UHRF1: variants seen among roughly 807,000 people sequenced by gnomAD.
UHRF1 encodes the protein E3 ubiquitin-protein ligase UHRF1.
A neutral mutation model predicts 96.5 loss-of-function variants in UHRF1; 9 were observed. The observed-to-expected ratio is 0.09, with a 90% CI of 0.06 to 0.16. The LOEUF (loss-of-function observed/expected upper bound fraction) is 0.16. Ranked by LOEUF, UHRF1 falls within the 10% of genes least tolerant of loss-of-function variation. The pLI, the probability that UHRF1 is intolerant of heterozygous loss-of-function variation, is 1.00. For missense variants in UHRF1, 626 were observed against 1,131.1 expected, an observed-to-expected ratio of 0.55 and a Z score of 6.40; for synonymous variants, 455 against 469.9, an observed-to-expected ratio of 0.97 and a Z score of 0.41.
At chr19:4,946,022 T>C in intron 10 of UHRF1, 57 bp downstream of exon 10, 1 of 1,337,238 alleles carries the variant, frequency 7.5e-7, no homozygotes, top group Non-Finnish European at 1.0e-6. Context: ...TGGATGGTGG[T>C]AAAATACATA....
intron 5 of UHRF1, among the ~76,000 whole-genome samples, chr19:4,939,363 T>A (rs949323431): frequency 6.8e-6 from 1 of 147,030 alleles, no homozygotes; most frequent in Non-Finnish European, 1.5e-5. Context: ...TACCCAGTCT[T>A]AGAATATGTT....
chr19:4,950,086 G>T (rs1360320031), intron 11 of UHRF1, among the ~76,000 whole-genome samples: 1 of 150,828 alleles, frequency 6.6e-6, no homozygotes, highest in African/African-American at 2.4e-5. Flanking sequence ...GGCCAGGCTG[G>T]TCTTGAACTC....
chr19:4,944,563 T>G, intron 9 of UHRF1, 113 bp downstream of exon 9: 1 of 1,172,690 alleles, frequency 8.5e-7, no homozygotes, highest in Non-Finnish European at 1.2e-6. Context: ...CAGTGGTGCC[T>G]CGGCTAGCCG....
intron 10 of UHRF1, 36 bp from the exon 11 acceptor site, chr19:4,947,069 T>A: frequency 1.3e-6 from 2 of 1,514,162 alleles, no homozygotes; most frequent in Non-Finnish European, 9.1e-7. Flanking sequence ...TTTTTGCCTC[T>A]GCAGAGGGTT....
intron 2 of UHRF1, among the ~76,000 whole-genome samples, chr19:4,918,601 A>G (rs1259980713): frequency 1.3e-5 from 2 of 151,440 alleles, no homozygotes; most frequent in African/African-American, 4.9e-5. Context: ...TTTAGTAGAG[A>G]CGAGGTTTCT....
At chr19:4,913,977 A>G (rs2032391755) in intron 2 of UHRF1, among the ~76,000 whole-genome samples, 1 of 151,402 alleles carries the variant, frequency 6.6e-6, no homozygotes, top group African/African-American at 2.4e-5. Flanking sequence ...ATGCGCAGCT[A>G]ATTTTTTTTG....
At chr19:4,938,167 A>T (rs1244846547) in intron 5 of UHRF1, among the ~76,000 whole-genome samples, 1 of 147,774 alleles carries the variant, frequency 6.8e-6, no homozygotes, top group Middle Eastern at 3.4e-3. Context: ...GGGGTGGGGG[A>T]GGAAGGGAAG....
chr19:4,946,507 G>A (rs967870113), intron 10 of UHRF1, among the ~76,000 whole-genome samples: 3 of 151,890 alleles, frequency 2.0e-5, no homozygotes, highest in Non-Finnish European at 2.9e-5. Flanking sequence ...TCCAGCCCCC[G>A]TTTTCCATTC....
intron 13 of UHRF1, among the ~76,000 whole-genome samples, chr19:4,952,776 G>A (rs2033753186): frequency 2.0e-5 from 3 of 151,918 alleles, no homozygotes; most frequent in South Asian, 4.1e-4. Flanking sequence ...AGAGTCAGAC[G>A]TGACTTATAG....
At chr19:4,958,241 T>G (rs187142667) in intron 16 of UHRF1, among the ~76,000 whole-genome samples, 1 of 152,214 alleles carries the variant, frequency 6.6e-6, no homozygotes, top group East Asian at 1.9e-4. Context: ...TCTTTGGGGC[T>G]GGTGGTCCGG....
At chr19:4,936,991 C>T (rs946371202) in intron 5 of UHRF1, among the ~76,000 whole-genome samples, 6 of 152,186 alleles carry the variant, frequency 3.9e-5, no homozygotes, top group African/African-American at 1.4e-4. Context: ...ATAGCCAAAC[C>T]CACCTCCCCA....
Position 4,951,059 on chromosome 19 carries a change from A to G in UHRF1, c.1818+63A>G, listed in dbSNP as rs975750629. The G allele has an allele frequency of 3.4e-6, 5 of 1,486,746 alleles. No homozygotes were observed. In the Admixed American group the frequency reaches 9.9e-5, roughly 30 times the overall value. 92.1% of individuals were successfully genotyped at this position (1,486,746 alleles called of 1,614,324 possible). Reference sequence around the variant, plus strand: ...AGGCGGATGGATCACTTACGTTAGGAGTTCAAGACCAGCCTGGCCAACATG... The same window carrying G: ...AGGCGGATGGATCACTTACGTTAGGGGTTCAAGACCAGCCTGGCCAACATG... On this transcript the variant is annotated intron_variant, in intron 13 of 16. Coordinates refer to ENST00000650932, the MANE Select transcript of UHRF1 (RefSeq NM_001048201.3).
chr19:4,910,511 G>A (rs1397329349), intron 1 of UHRF1: 2 of 180,982 alleles, frequency 1.1e-5, no homozygotes, highest in Non-Finnish European at 2.3e-5. Context: ...AGGAATCCGA[G>A]GAATGAATGA....
chr19:4,949,425 G>C (rs4807669), intron 11 of UHRF1, among the ~76,000 whole-genome samples: 30,067 of 151,538 alleles, frequency 0.2, 3,925 homozygotes, highest in East Asian at 0.63. Flanking sequence ...AGGTAAAAAT[G>C]TAAGATGTAA....
At position 4,954,434 on chromosome 19, in the gene UHRF1, G is replaced by T; in HGVS notation, c.1903G>T (p.Gly635Trp). The change falls in exon 14 of 17, where the codon GGG (glycine) becomes TGG (tryptophan). Residue 635 changes from glycine to tryptophan, a missense_variant. Physicochemically the swap from Gly to Trp is radical, Grantham distance 184. Transcript: ENST00000650932. The surrounding 1 kb of genome is among the most constrained non-coding windows in gnomAD (Gnocchi z 5.9). ...SKREEEEQQEGGFASPRTGKG... is the reference protein window; with the variant it reads ...SKREEEEQQEWGFASPRTGKG... Reference sequence around the variant, plus strand: ...GAGGGAGGAGGAGGAGCAGCAGGAGGGGGGCTTCGCGTCCCCCAGGACGGG... The same window carrying T: ...GAGGGAGGAGGAGGAGCAGCAGGAGTGGGGCTTCGCGTCCCCCAGGACGGG... The T allele has an allele frequency of 1.9e-6, 3 of 1,613,782 alleles. No homozygotes were observed. Among genetic ancestry groups the T allele is most frequent in the Non-Finnish European group, 2.5e-6 (3 of 1,179,770 alleles).
At chr19:4,912,716 A>C (rs767859892) in intron 2 of UHRF1, among the ~76,000 whole-genome samples, 78 of 152,108 alleles carry the variant, frequency 5.1e-4, no homozygotes, top group Admixed American at 2.7e-3. Context: ...CACCGTCAGT[A>C]CCTAGAGCTC....
chr19:4,919,895 G>A (rs538764418), intron 2 of UHRF1, among the ~76,000 whole-genome samples: 245 of 151,398 alleles, frequency 1.6e-3, no homozygotes, highest in Non-Finnish European at 3.0e-3. Flanking sequence ...TCAACTCACT[G>A]CACCCTCCGC....
intron 16 of UHRF1, among the ~76,000 whole-genome samples, chr19:4,957,297 G>GTTTTTTTT (rs59654364): frequency 2.5e-4 from 13 of 51,100 alleles, no homozygotes; most frequent in African/African-American, 1.0e-3. Flanking sequence ...CCAGCTGATG[G>GTTTTTTTT]TTTTTTTTTT....
chr19:4,953,305 C>G (rs1309368078), intron 13 of UHRF1, among the ~76,000 whole-genome samples: 12 of 152,146 alleles, frequency 7.9e-5, no homozygotes, highest in Non-Finnish European at 1.6e-4. Context: ...CAGAGAGTAC[C>G]AAACCGTTGA....
Sources: allele counts gnomAD v4.1 joint callset (sites outside exome capture counted in the v4.1 genomes callset), GRCh38; gene constraint gnomAD v4.1.1; non-coding constraint Gnocchi (gnomAD v3.1); transcripts MANE v1.5; gene names NCBI Gene and HGNC (gene_info 2026-07-23, HGNC 2026-07-21).